PLA2G4D: variants seen among roughly 807,000 people sequenced by gnomAD.
The protein encoded by PLA2G4D is phospholipase A2 group IVD.
PLA2G4D carries 80 observed loss-of-function variants against 94.4 expected under a neutral mutation model. That is an observed-to-expected ratio of 0.85 (90% CI 0.71 to 1.02). The LOEUF is 1.02. Ranked by LOEUF, PLA2G4D falls within the 50% of genes least tolerant of loss-of-function variation. The probability of loss-of-function intolerance (pLI) is 0.00; values close to 1 mark genes in which losing one functional copy is unlikely to be tolerated. For missense variants in PLA2G4D, 1,050 were observed against 1,034.7 expected (o/e 1.01, Z -0.20); for synonymous variants, 438 against 440.9 (o/e 0.99, Z 0.08).
At chr15:42,073,609 C>G (rs60899033) in intron 13 of PLA2G4D, among the ~76,000 whole-genome samples, 1,803 of 152,272 alleles carry the variant, frequency 0.012, 44 homozygotes, top group East Asian at 0.1. Flanking sequence ...CTAGAGGCTC[C>G]CAACCTGCCG....
chr15:42,074,214 C>T (rs1236619563), intron 13 of PLA2G4D, among the ~76,000 whole-genome samples: 1 of 152,164 alleles, frequency 6.6e-6, no homozygotes, highest in African/African-American at 2.4e-5. Context: ...GAAACCCACC[C>T]GGTATATCTA....
Position 42,084,640 on chromosome 15 carries a change from G to A in PLA2G4D, c.471+456C>T, listed in dbSNP as rs1890105068. The stretch of plus-strand genomic sequence containing the variant: ...TGACCAGGACTCTCCCCAGTCCCAA[G>A]GAGGAGCTAGCTGCCTGAGCCTCTG... On this transcript the variant is annotated intron_variant, in intron 6 of 19. Coordinates refer to ENST00000290472, the MANE Select transcript of PLA2G4D (RefSeq NM_178034.4). The surrounding 1 kb of genome is among the most constrained non-coding windows in gnomAD (Gnocchi z 4.8). Among the ~76,000 whole-genome samples the A allele has an allele frequency of 6.7e-6, 1 of 149,988 alleles. No homozygotes were observed. The highest frequency in any genetic ancestry group is 2.1e-4 in the South Asian group (1 of 4,780).
Position 42,071,163 on chromosome 15 carries a change from G to T in PLA2G4D, c.1836C>A (p.His612Gln), listed in dbSNP as rs548640184. 1.9e-6 allele frequency: 3 copies of T among 1,613,112 alleles called. No individual in the cohort carries two copies. Among genetic ancestry groups the T allele is most frequent in the East Asian group, 2.2e-5 (1 of 44,870 alleles). Residue 612 changes from histidine (H) to glutamine (Q), a missense_variant, in exon 17 of 20, where the codon CAC becomes CAA. Coordinates refer to ENST00000290472, the MANE Select transcript of PLA2G4D (RefSeq NM_178034.4). Reference protein sequence around the residue: ...SPNFLQGLQLHQDYCSHKDFS... With the variant: ...SPNFLQGLQLQQDYCSHKDFS... ...AGTCTTTGTGGCTACAGTAGTCCTG[G>T]TGCAGCTGGAGGCCCTGGAGGAAGT...
At chr15:42,073,563 T>C (rs1390025324) in intron 13 of PLA2G4D, among the ~76,000 whole-genome samples, 2 of 152,192 alleles carry the variant, frequency 1.3e-5, no homozygotes, top group Non-Finnish European at 2.9e-5. Context: ...ACGTCATCCT[T>C]CCTTTGGGCT....
Position 42,071,113 on chromosome 15 carries a change from C to A in PLA2G4D, c.1876+10G>T. On this transcript the variant is annotated intron_variant, in intron 17 of 19. Transcript: ENST00000290472. ...CTTGTGACCTAGGGACCCCTGGCCACGGCCCTGACCTGCCCAGGTGGAGAA... is the reference window on the plus strand; with the variant it reads ...CTTGTGACCTAGGGACCCCTGGCCAAGGCCCTGACCTGCCCAGGTGGAGAA... 2 of 1,598,002 alleles carry A rather than the reference C, an allele frequency of 1.3e-6. No individual in the cohort carries two copies. Among genetic ancestry groups the A allele is most frequent in the East Asian group, 2.2e-5 (1 of 44,818 alleles).
At chr15:42,078,826 T>C (rs924502272) in intron 13 of PLA2G4D, among the ~76,000 whole-genome samples, 4 of 152,244 alleles carry the variant, frequency 2.6e-5, no homozygotes, top group Admixed American at 2.0e-4. Context: ...GATAGTTATG[T>C]GTGGTAAAAC....
At chr15:42,090,423 A>G (rs1012761966) in intron 1 of PLA2G4D, among the ~76,000 whole-genome samples, 1 of 152,230 alleles carries the variant, frequency 6.6e-6, no homozygotes, top group East Asian at 1.9e-4. Flanking sequence ...CAGAGCTCGT[A>G]TTTACATGTC....
Position 42,087,416 on chromosome 15 carries a change from C to T in PLA2G4D, c.139G>A (p.Val47Met), listed in dbSNP as rs780737448. Residue 47 changes from valine to methionine, a missense_variant, in exon 3 of 20, where the codon GTG becomes ATG. Transcript: ENST00000290472. Reference sequence around the variant, plus strand: ...GGTGCGGTCGACAGCTGTAGGATCACGTAAGGGTCGGCCTCACTCACTGCC... The same window carrying T: ...GGTGCGGTCGACAGCTGTAGGATCATGTAAGGGTCGGCCTCACTCACTGCC... ...ADLLSEADPY[V>M]ILQLSTAPGM... The T allele has an allele frequency of 8.7e-6, 14 of 1,614,114 alleles. No individual in the cohort carries two copies. In the East Asian group the frequency reaches 1.1e-4, roughly 13 times the overall value.
chr15:42,068,475 G>T lies in PLA2G4D; in HGVS notation c.*240C>A, dbSNP rs1889726780. ...TAATTGTGGTGTGAAAGTCTGTCTG[G>T]TTGGACCAGCTGTTCTACACACTGG... On this transcript the variant is annotated 3_prime_UTR_variant, in exon 20 of 20. Transcript: ENST00000290472. The T allele has an allele frequency of 1.3e-5, 7 of 544,694 alleles. No individual in the cohort carries two copies. In the South Asian group the frequency reaches 1.6e-4, roughly 12 times the overall value. 33.7% of individuals were successfully genotyped at this position (544,694 alleles called of 1,614,324 possible).
At chr15:42,091,480 G>A (rs1355380335) in intron 1 of PLA2G4D, among the ~76,000 whole-genome samples, 1 of 152,214 alleles carries the variant, frequency 6.6e-6, no homozygotes, top group African/African-American at 2.4e-5. Flanking sequence ...TAGCGGTGAC[G>A]CCAGCGTCTG....
intron 1 of PLA2G4D, among the ~76,000 whole-genome samples, chr15:42,091,805 T>C (rs906018136): frequency 2.6e-5 from 4 of 152,208 alleles, no homozygotes; most frequent in Non-Finnish European, 5.9e-5. Flanking sequence ...TAGTCTCTGA[T>C]ATGCAGAAAT....
Position 42,081,000 on chromosome 15 carries a change from G to C in PLA2G4D, c.1091C>G (p.Thr364Arg). ...VTYFSGISGS[T>R]WTMAHLYGDP... is the part of the protein sequence containing the mutation. Reference sequence around the variant, plus strand: ...CCCAGTCCCCCAGGATCCTCACCACGTAGAGCCAGAGATGCCACTGAAGTA... The same window carrying C: ...CCCAGTCCCCCAGGATCCTCACCACCTAGAGCCAGAGATGCCACTGAAGTA... The change falls in exon 12 of 20, where the codon ACG becomes AGG. Residue 364 changes from threonine to arginine, a missense_variant. Physicochemically the swap from Thr to Arg is moderately conservative, Grantham distance 71. Transcript: ENST00000290472. 1.2e-6 allele frequency: 2 copies of C among 1,613,704 alleles called. No homozygotes were observed. The highest frequency in any genetic ancestry group is 1.7e-6 in the Non-Finnish European group (2 of 1,179,800).
intron 1 of PLA2G4D, among the ~76,000 whole-genome samples, chr15:42,090,001 A>T (rs1004056386): frequency 3.3e-5 from 5 of 152,186 alleles, no homozygotes; most frequent in Non-Finnish European, 5.9e-5. Flanking sequence ...CTCTAAGATC[A>T]TCGCTAACAT....
At chr15:42,090,985 T>C (rs1049512466) in intron 1 of PLA2G4D, among the ~76,000 whole-genome samples, 4 of 152,180 alleles carry the variant, frequency 2.6e-5, no homozygotes, top group Non-Finnish European at 5.9e-5. Context: ...TTTTTTCCAG[T>C]AAAAGCTTCC....
intron 13 of PLA2G4D, among the ~76,000 whole-genome samples, chr15:42,073,127 C>T (rs1179676585): frequency 2.0e-5 from 3 of 152,172 alleles, no homozygotes; most frequent in Non-Finnish European, 4.4e-5. Flanking sequence ...CTCAGCCTCC[C>T]GAGTAGAGTA....
At position 42,068,646 on chromosome 15, in the gene PLA2G4D, T is replaced by C; in HGVS notation, c.*69A>G. On this transcript the variant is annotated 3_prime_UTR_variant, in exon 20 of 20. Transcript: ENST00000290472. The stretch of plus-strand genomic sequence containing the variant: ...CCAGAACTCCAACCAGGAAGGCCTG[T>C]GGCTGAGCCCAGCTACAGATCAGGT... The C allele has an allele frequency of 6.9e-7, 1 of 1,455,030 alleles. No individual in the cohort carries two copies. The highest frequency in any genetic ancestry group is 9.3e-7 in the Non-Finnish European group (1 of 1,074,456). 90.1% of individuals were successfully genotyped at this position (1,455,030 alleles called of 1,614,324 possible). A position where few individuals can be genotyped will look rare whatever the true frequency, so the allele number is the denominator to read the frequency against.
rs558201769 is a variant in PLA2G4D, at chr15:42,076,377, T to G, written c.1317+3160A>C. Among the ~76,000 whole-genome samples the G allele has an allele frequency of 1.6e-4, 24 of 152,278 alleles. No homozygotes were observed. In the South Asian group the frequency reaches 2.5e-3, roughly 16 times the overall value. ...TATAAGAATGTATAGGAAGATATTT[T>G]ATAACTTTGGGGGAGTGAAAAGGAA... On this transcript the variant is annotated intron_variant, in intron 13 of 19. Coordinates refer to ENST00000290472, the MANE Select transcript of PLA2G4D (RefSeq NM_178034.4).
intron 1 of PLA2G4D, among the ~76,000 whole-genome samples, chr15:42,091,657 C>T (rs1566866928): frequency 6.6e-6 from 1 of 152,012 alleles, no homozygotes; most frequent in Non-Finnish European, 1.5e-5. Context: ...TTAGGCTCGC[C>T]CGCAGTTACC....
intron 7 of PLA2G4D, 54 bp from the exon 8 acceptor site, chr15:42,083,388 C>G (rs541905992): frequency 6.4e-7 from 1 of 1,570,956 alleles, no homozygotes; most frequent in African/African-American, 1.4e-5. Context: ...AACCCCAGCT[C>G]GGACCTGGGA....
Sources: gnomAD v4.1 joint callset for allele counts (sites outside exome capture counted in the v4.1 genomes callset) on GRCh38, gnomAD v4.1.1 for gene constraint, Gnocchi (gnomAD v3.1) non-coding constraint, MANE v1.5 for transcripts, NCBI Gene and HGNC (gene_info 2026-07-23, HGNC 2026-07-21) for gene names.